The following COP1 variants were observed in gnomAD, a reference collection of about 807,000 sequenced individuals.
COP1 encodes COP1 E3 ubiquitin ligase, also known as E3 ubiquitin-protein ligase COP1.
A neutral mutation model predicts 101.3 loss-of-function variants in COP1; 24 were observed. The ratio of observed to expected loss-of-function variants is 0.24; its 90% CI spans 0.17 to 0.33. COP1 has a LOEUF of 0.33. Ranked by LOEUF, COP1 falls within the 10% of genes least tolerant of loss-of-function variation. The probability of loss-of-function intolerance (pLI) is 1.00; values close to 1 mark genes in which losing one functional copy is unlikely to be tolerated. For synonymous variants in COP1, 347 were observed against 341.9 expected, an observed-to-expected ratio of 1.01 and a Z score of -0.17; for missense variants, 663 against 906.2, an observed-to-expected ratio of 0.73 and a Z score of 3.45.
intron 9 of COP1, among the ~76,000 whole-genome samples, chr1:176,086,729 T>G (rs1680243990): frequency 6.6e-6 from 1 of 152,098 alleles, no homozygotes; most frequent in Non-Finnish European, 1.5e-5. Context: ...AAGCTACCAA[T>G]GACTTTCTTC....
intron 12 of COP1, among the ~76,000 whole-genome samples, chr1:176,044,878 A>T (rs908206049): frequency 6.6e-6 from 1 of 152,194 alleles, no homozygotes; most frequent in Non-Finnish European, 1.5e-5. Flanking sequence ...TAGACAGCAC[A>T]TTTAAACTTT....
At chr1:176,099,780 G>A (rs770182873) in intron 9 of COP1, among the ~76,000 whole-genome samples, 17 of 152,180 alleles carry the variant, frequency 1.1e-4, no homozygotes, top group Non-Finnish European at 1.8e-4. Context: ...CTACACAGCT[G>A]CTGTAGAGGG....
chr1:176,202,085 A>T (rs1700317372), intron 1 of COP1, among the ~76,000 whole-genome samples: 2 of 152,112 alleles, frequency 1.3e-5, no homozygotes, highest in South Asian at 2.1e-4. Flanking sequence ...TTTAAAAAAA[A>T]TTTTACCAGT....
intron 18 of COP1, among the ~76,000 whole-genome samples, chr1:175,976,460 T>A (rs12407451): frequency 6.6e-6 from 1 of 151,996 alleles, no homozygotes; most frequent in Non-Finnish European, 1.5e-5. Context: ...GTATTTTTAG[T>A]GTAGACGGGG....
Position 176,189,528 on chromosome 1 carries a change from TCAAA to T in COP1, c.408-4840_408-4837del, listed in dbSNP as rs550855537. ...AAAATGAAAGCAAATAAACTCATTT[TCAAA>T]CAAACACAAATTTAAGAGAATTTGC... On this transcript the variant is annotated intron_variant, in intron 1 of 19. Transcript: ENST00000367669. Among the ~76,000 whole-genome samples, 296 of 152,146 alleles carry T rather than the reference TCAAA, an allele frequency of 1.9e-3. 1 individual carries two copies. Among genetic ancestry groups the T allele is most frequent in the African/African-American group, 6.7e-3 (279 of 41,530 alleles).
chr1:175,978,844 G>A (rs1655164083), intron 18 of COP1, among the ~76,000 whole-genome samples: 1 of 152,118 alleles, frequency 6.6e-6, no homozygotes, highest in African/African-American at 2.4e-5. Context: ...ACTCATTGAG[G>A]AATTTAAAAT....
chr1:175,977,766 T>A lies in COP1; in HGVS notation c.2133+9177A>T, dbSNP rs138397733. 2.6e-3 allele frequency among the ~76,000 whole-genome samples: 400 copies of A among 152,286 alleles called. 3 individuals are homozygous for A. Among genetic ancestry groups the A allele is most frequent in the African/African-American group, 9.2e-3 (382 of 41,592 alleles). ...CATCCATTTTCTAAGCAAAACATAC[T>A]TATTTTTGCTTAGTTAATTCTGCTT... On this transcript the variant is annotated intron_variant, in intron 18 of 19. Coordinates refer to ENST00000367669, the MANE Select transcript of COP1 (RefSeq NM_022457.7).
rs564406895 is a variant in COP1, at chr1:176,025,198, A to C, written c.1729+2374T>G. ...ATATTTTTCAAAAGTAGATATTCTA[A>C]ACAGCAGAACACTAAAGCTCATTCA... On this transcript the variant is annotated intron_variant, in intron 15 of 19. Transcript: ENST00000367669. 1.7e-3 allele frequency among the ~76,000 whole-genome samples: 257 copies of C among 152,294 alleles called. 1 individual carries two copies. The highest frequency in any genetic ancestry group is 5.9e-3 in the African/African-American group (246 of 41,582).
chr1:176,168,156 C>G, intron 3 of COP1, among the ~76,000 whole-genome samples: 1 of 151,772 alleles, frequency 6.6e-6, no homozygotes, highest in East Asian at 1.9e-4. Flanking sequence ...CTCCTGGGTT[C>G]AAGCAATTCT....
At chr1:176,087,034 T>G (rs6672278) in intron 9 of COP1, among the ~76,000 whole-genome samples, 131,375 of 152,158 alleles carry the variant, frequency 0.86, 58,794 homozygotes, top group Non-Finnish European at 0.98. Context: ...AGTAAATGGT[T>G]CTGGGAAAAC....
chr1:175,948,525 G>A (rs899128391), intron 18 of COP1, among the ~76,000 whole-genome samples: 1 of 152,220 alleles, frequency 6.6e-6, no homozygotes, highest in African/African-American at 2.4e-5. Flanking sequence ...CTCTTGGCTT[G>A]TATGTTAGAA....
At chr1:176,127,063 C>T (rs1010585706) in intron 8 of COP1, among the ~76,000 whole-genome samples, 2 of 151,986 alleles carry the variant, frequency 1.3e-5, no homozygotes, top group Non-Finnish European at 2.9e-5. Flanking sequence ...TATATCCCAG[C>T]GCCTAACAGT....
chr1:175,991,544 C>A (rs540146246), intron 15 of COP1, among the ~76,000 whole-genome samples: 1 of 152,202 alleles, frequency 6.6e-6, no homozygotes, highest in South Asian at 2.1e-4. Context: ...AAAGTGTTCT[C>A]CCTTCAGAAA....
intron 6 of COP1, among the ~76,000 whole-genome samples, chr1:176,141,301 G>A (rs960473038): frequency 6.6e-6 from 1 of 152,068 alleles, no homozygotes; most frequent in African/African-American, 2.4e-5. Flanking sequence ...CAGAGTTCAA[G>A]ACCAGTTTGG....
chr1:176,086,601 G>A (rs182641146), intron 9 of COP1, among the ~76,000 whole-genome samples: 105 of 152,120 alleles, frequency 6.9e-4, no homozygotes, highest in Admixed American at 3.5e-3. Context: ...TTTTTCCAAC[G>A]AAATAAGAGG....
chr1:176,064,262 A>C (rs1159279104), intron 11 of COP1, among the ~76,000 whole-genome samples: 1 of 152,220 alleles, frequency 6.6e-6, no homozygotes, highest in Non-Finnish European at 1.5e-5. Flanking sequence ...AAAATTGCCA[A>C]AAAATTTGTC....
chr1:176,100,424 A>G (rs1683207608), intron 9 of COP1: 1 of 150,792 alleles, frequency 6.6e-6, no homozygotes, highest in African/African-American at 2.4e-5. Context: ...GGAGAGAGAT[A>G]AATTATATTT....
intron 6 of COP1, among the ~76,000 whole-genome samples, chr1:176,148,090 C>T (rs1691850898): frequency 6.6e-6 from 1 of 151,624 alleles, no homozygotes; most frequent in South Asian, 2.1e-4. Flanking sequence ...AAAAAAAAAC[C>T]TGAGACACAA....
At chr1:176,033,142 T>C (rs895657329) in intron 14 of COP1, among the ~76,000 whole-genome samples, 2 of 152,186 alleles carry the variant, frequency 1.3e-5, no homozygotes, top group African/African-American at 4.8e-5. Context: ...CCAGGTGCGG[T>C]GGCTCATGCC....
Sources: allele counts gnomAD v4.1 joint callset (sites outside exome capture counted in the v4.1 genomes callset), GRCh38; gene constraint gnomAD v4.1.1; transcripts MANE v1.5; gene names NCBI Gene and HGNC (gene_info 2026-07-23, HGNC 2026-07-21).